The following RASGRP3 variants were observed in gnomAD, a reference collection of about 807,000 sequenced individuals.
RASGRP3 encodes RAS guanyl releasing protein 3.
In RASGRP3, 54 loss-of-function variants were observed where a neutral mutation model predicts 82.7. That is an observed-to-expected ratio of 0.65 (90% confidence interval 0.52 to 0.82). RASGRP3 has a LOEUF of 0.82. Ranked by LOEUF, RASGRP3 falls within the 40% of genes least tolerant of loss-of-function variation. The pLI is 0.00. For synonymous variants in RASGRP3, 309 were observed against 300.5 expected, an observed-to-expected ratio of 1.03 and a Z score of -0.29; for missense variants, 861 against 828.9, an observed-to-expected ratio of 1.04 and a Z score of -0.48.
At chr2:33,461,840 C>G (rs1408704365) in intron 2 of RASGRP3, among the ~76,000 whole-genome samples, 5 of 152,110 alleles carry the variant, frequency 3.3e-5, no homozygotes, top group South Asian at 2.1e-4. Flanking sequence ...AAATGTATGA[C>G]AAAGGGAGTG....
intron 1 of RASGRP3, among the ~76,000 whole-genome samples, chr2:33,483,436 T>C (rs1668105231): frequency 2.0e-5 from 3 of 151,658 alleles, no homozygotes; most frequent in South Asian, 2.1e-4. Flanking sequence ...GGAAAAAATA[T>C]GGAAAAAAAT....
intron 2 of RASGRP3, among the ~76,000 whole-genome samples, chr2:33,456,199 C>A (rs557659736): frequency 1.3e-5 from 2 of 152,278 alleles, no homozygotes; most frequent in South Asian, 4.2e-4. Context: ...TTACTACACA[C>A]ATATAGCCCT....
At chr2:33,499,179 C>A (rs1420807276) in intron 1 of RASGRP3, among the ~76,000 whole-genome samples, 2 of 152,148 alleles carry the variant, frequency 1.3e-5, no homozygotes, top group African/African-American at 4.8e-5. Flanking sequence ...TGGTCCTAGC[C>A]CAATCCTGGA....
At position 33,519,998 on chromosome 2, in the gene RASGRP3, A is replaced by G; in HGVS notation, c.220A>G (p.Ile74Val). 6.2e-7 allele frequency: 1 copy of G among 1,608,138 alleles called. No homozygotes were observed. Among genetic ancestry groups the G allele is most frequent in the South Asian group, 1.1e-5 (1 of 89,836 alleles). The change falls in exon 5 of 18, where the codon ATC becomes GTC. Residue 74 changes from isoleucine (I) to valine (V), a missense_variant. Physicochemically the swap from Ile to Val is conservative, Grantham distance 29 (BLOSUM62 3). Coordinates refer to ENST00000403687, the MANE Select transcript of RASGRP3 (RefSeq NM_001139488.2). ...GESCNEFRLK[I>V]CYFMRYWILK... is the part of the protein sequence containing the mutation. The stretch of plus-strand genomic sequence containing the variant: ...AAGCTGCAATGAATTTCGATTAAAG[A>G]TCTGCTACTTCATGAGGTAAATATA...
chr2:33,514,016 T>C (rs1671192285), intron 2 of RASGRP3: 1 of 152,212 alleles, frequency 6.6e-6, no homozygotes, highest in African/African-American at 2.4e-5. Flanking sequence ...TTGCATGGTT[T>C]TGGGTAAGTT....
chr2:33,543,304 A>C (rs1271604505), intron 12 of RASGRP3, among the ~76,000 whole-genome samples: 1 of 152,228 alleles, frequency 6.6e-6, no homozygotes, highest in East Asian at 1.9e-4. Context: ...TACAGGTGTG[A>C]GCCACCACAT....
intron 2 of RASGRP3, among the ~76,000 whole-genome samples, chr2:33,457,196 A>G (rs1238905016): frequency 6.6e-6 from 1 of 151,992 alleles, no homozygotes; most frequent in Non-Finnish European, 1.5e-5. Flanking sequence ...CACGCTAATT[A>G]TTTCCCATTG....
At chr2:33,522,760 G>C (rs1443214172) in intron 7 of RASGRP3, among the ~76,000 whole-genome samples, 3 of 152,198 alleles carry the variant, frequency 2.0e-5, no homozygotes, top group African/African-American at 7.2e-5. Context: ...CTGTGGGGAA[G>C]TCGCTCCTCC....
At chr2:33,480,073 C>G (rs1286736385) in intron 1 of RASGRP3, among the ~76,000 whole-genome samples, 1 of 141,812 alleles carries the variant, frequency 7.1e-6, no homozygotes, top group Non-Finnish European at 1.5e-5. Context: ...GAGACAGTCT[C>G]GCTCTGTCGC....
At chr2:33,508,058 A>T (rs1166231908) in intron 1 of RASGRP3, among the ~76,000 whole-genome samples, 1 of 152,210 alleles carries the variant, frequency 6.6e-6, no homozygotes, top group Non-Finnish European at 1.5e-5. Context: ...TCTATGGGGA[A>T]TGATCAGAAT....
chr2:33,548,652 A>G (rs1675067666), intron 13 of RASGRP3, among the ~76,000 whole-genome samples: 2 of 152,154 alleles, frequency 1.3e-5, no homozygotes, highest in Admixed American at 1.3e-4. Flanking sequence ...AGCAAATGCT[A>G]ATGGACAAAG....
At chr2:33,531,229 T>C (rs1368109583) in intron 10 of RASGRP3, among the ~76,000 whole-genome samples, 1 of 152,146 alleles carries the variant, frequency 6.6e-6, no homozygotes, top group African/African-American at 2.4e-5. Context: ...ATGCAACAAC[T>C]TGAAACAGTG....
intron 1 of RASGRP3, among the ~76,000 whole-genome samples, chr2:33,499,826 A>G (rs1265036079): frequency 6.6e-6 from 1 of 152,176 alleles, no homozygotes; most frequent in Non-Finnish European, 1.5e-5. Context: ...TTTGAAGTGT[A>G]CAGACCATGT....
rs115660239 is a variant in RASGRP3, at chr2:33,528,330, T to C, written c.1083+918T>C. 2.1e-3 allele frequency among the ~76,000 whole-genome samples: 314 copies of C among 152,354 alleles called. 2 individuals carry two copies. The highest frequency in any genetic ancestry group is 7.2e-3 in the African/African-American group (299 of 41,586). On this transcript the variant is annotated intron_variant, in intron 10 of 17. Transcript: ENST00000403687. ...ACAAAAGAAGTTCACCTACCACTCATAGTTTTTTGGCATTTGTGGCACACA... is the reference window on the plus strand; with the variant it reads ...ACAAAAGAAGTTCACCTACCACTCACAGTTTTTTGGCATTTGTGGCACACA...
intron 11 of RASGRP3, among the ~76,000 whole-genome samples, chr2:33,537,001 AC>A (rs946580434): frequency 1.3e-5 from 2 of 151,850 alleles, no homozygotes; most frequent in Non-Finnish European, 2.9e-5. Flanking sequence ...AGCCTTTTAC[AC>A]CCTACCTTCT....
chr2:33,558,293 C>A lies in RASGRP3; in HGVS notation c.1662C>A (p.Ser554Arg), dbSNP rs1379393420. Residue 554 changes from serine to arginine, a missense_variant, in exon 16 of 18, where the codon AGC (serine) becomes AGA (arginine). Coordinates refer to ENST00000403687, the MANE Select transcript of RASGRP3 (RefSeq NM_001139488.2). Reference protein sequence around the residue: ...CRRFARAPSLSSGHGSLPGSP... With the variant: ...CRRFARAPSLRSGHGSLPGSP... ...GATTTGCCCGGGCGCCCTCCTTGAG[C>A]AGTGGTCATGGGTCACTGCCTGGAA... 6.2e-7 allele frequency: 1 copy of A among 1,613,596 alleles called. No homozygotes were observed. Among genetic ancestry groups the A allele is most frequent in the African/African-American group, 1.3e-5 (1 of 74,902 alleles).
chr2:33,450,933 G>C (rs1239525971), intron 2 of RASGRP3, among the ~76,000 whole-genome samples: 2 of 138,618 alleles, frequency 1.4e-5, no homozygotes, highest in African/African-American at 5.4e-5. Context: ...CACCTCCCAG[G>C]TTCACAGCAT....
chr2:33,537,671 T>C (rs1157581818), intron 11 of RASGRP3, among the ~76,000 whole-genome samples: 4 of 151,974 alleles, frequency 2.6e-5, no homozygotes, highest in African/African-American at 7.3e-5. Context: ...TCTATAAATA[T>C]AAATTAAAAA....
chr2:33,495,285 G>C (rs1669204791), intron 1 of RASGRP3, among the ~76,000 whole-genome samples: 1 of 152,202 alleles, frequency 6.6e-6, no homozygotes, highest in South Asian at 2.1e-4. Context: ...TGGGAAGATG[G>C]TTTGGGGATG....
Sources: gnomAD v4.1 joint callset for allele counts (sites outside exome capture counted in the v4.1 genomes callset) on GRCh38, gnomAD v4.1.1 for gene constraint, MANE v1.5 for transcripts, NCBI Gene and HGNC (gene_info 2026-07-23, HGNC 2026-07-21) for gene names.